DLG5: variants seen among roughly 807,000 people sequenced by gnomAD.
DLG5 encodes disks large homolog 5.
A neutral mutation model predicts 189.8 loss-of-function variants in DLG5; 48 were observed. The ratio of observed to expected loss-of-function variants is 0.25; its 90% CI spans 0.20 to 0.32. DLG5 has a LOEUF of 0.32. Ranked by LOEUF, DLG5 falls within the 10% of genes least tolerant of loss-of-function variation. The probability of loss-of-function intolerance (pLI) is 1.00; values close to 1 mark genes in which losing one functional copy is unlikely to be tolerated. For missense variants in DLG5, 2,160 were observed against 2,544.7 expected (o/e 0.85, Z 3.25); for synonymous variants, 1,016 against 1,054.1 (o/e 0.96, Z 0.70).
At chr10:77,930,923 C>T (rs1429885434), upstream of DLG5, among the ~76,000 whole-genome samples, 2 of 147,430 alleles carry the variant, frequency 1.4e-5, no homozygotes, top group African/African-American at 2.5e-5. Context: ...CAGATTCAAG[C>T]GATTCTCCTG....
intron 1 of DLG5, among the ~76,000 whole-genome samples, chr10:77,887,602 G>A (rs2154577558): frequency 6.6e-6 from 1 of 152,252 alleles, no homozygotes; most frequent in East Asian, 1.9e-4. Context: ...AGAAAGAAGT[G>A]ATCAAAAGGA....
At chr10:77,886,477 C>T (rs1420896655) in intron 1 of DLG5, among the ~76,000 whole-genome samples, 1 of 151,968 alleles carries the variant, frequency 6.6e-6, no homozygotes, top group African/African-American at 2.4e-5. Context: ...CCTCAACCTC[C>T]CGAGTAGCTG....
At chr10:77,910,987 G>GAAAA (rs55832630) in intron 1 of DLG5, among the ~76,000 whole-genome samples, 37 of 84,146 alleles carry the variant, frequency 4.4e-4, no homozygotes, top group Middle Eastern at 7.9e-3. Context: ...CTGTCTGAAG[G>GAAAA]AAAAAAAAAA....
rs1054784682 is a variant in DLG5 at position 77,796,820 on chromosome 10, A to C, written c.5165-226T>G. ...GTGAACACCAGAGGCAGCTGGTCTCAACCACTCATCCCAGAGCTTCCTTCT... is the reference window on the plus strand; with the variant it reads ...GTGAACACCAGAGGCAGCTGGTCTCCACCACTCATCCCAGAGCTTCCTTCT... On this transcript the variant is annotated intron_variant, in intron 27 of 31. Transcript: ENST00000372391. This position sits in a 1 kb window ranked among gnomAD's most constrained non-coding sequence, Gnocchi z 5.2. 5.9e-5 allele frequency among the ~76,000 whole-genome samples: 9 copies of C among 152,178 alleles called. No homozygotes were observed. Among genetic ancestry groups the C allele is most frequent in the Non-Finnish European group, 1.3e-4 (9 of 68,024 alleles).
intron 1 of DLG5, among the ~76,000 whole-genome samples, chr10:77,887,111 C>G (rs1483368696): frequency 6.6e-6 from 1 of 152,174 alleles, no homozygotes; most frequent in East Asian, 1.9e-4. Context: ...CAGACATCAC[C>G]CACATACACT....
chr10:77,912,206 T>TAAAAA, intron 1 of DLG5: 1 of 135,680 alleles, frequency 7.4e-6, no homozygotes, highest in African/African-American at 2.8e-5. Context: ...CCTGTCTCTT[T>TAAAAA]AAAAAAAAAA....
chr10:77,884,330 A>G (rs1044594461), intron 1 of DLG5, among the ~76,000 whole-genome samples: 1 of 152,188 alleles, frequency 6.6e-6, no homozygotes, highest in Non-Finnish European at 1.5e-5. Context: ...GGCTTGGATA[A>G]GACCAGAAAA....
chr10:77,861,710 C>T (rs1368469212), intron 2 of DLG5, among the ~76,000 whole-genome samples: 3 of 152,228 alleles, frequency 2.0e-5, no homozygotes, highest in African/African-American at 7.2e-5. Flanking sequence ...TTGAGAAACA[C>T]GTCAGAAAGA....
chr10:77,866,058 A>G (rs1844669198), intron 2 of DLG5, among the ~76,000 whole-genome samples: 1 of 152,202 alleles, frequency 6.6e-6, no homozygotes, highest in South Asian at 2.1e-4. Context: ...CAGGTTCCTA[A>G]GATCACCATG....
chr10:77,795,931 A>C, intron 29 of DLG5, 130 bp downstream of exon 29: 1 of 1,376,192 alleles, frequency 7.3e-7, no homozygotes, highest in Non-Finnish European at 1.0e-6. Flanking sequence ...GTGAACTCAG[A>C]CTAACACAAC....
chr10:77,918,054 C>T (rs1401457547), intron 1 of DLG5, among the ~76,000 whole-genome samples: 1 of 151,060 alleles, frequency 6.6e-6, no homozygotes, highest in African/African-American at 2.4e-5. Flanking sequence ...CTTAATGCTA[C>T]TGAATTTGTA....
At position 77,821,752 on chromosome 10, in the gene DLG5, C is replaced by T. The variant is rs138846068; in HGVS notation, c.2732G>A (p.Arg911His). ...AAAGGGCAGCAGTGGCCGCCGGCCA[C>T]GCACGTCCACCAGCCCAAAGCCACG... ...GDRGFGLVDV[R>H]GRRPLLPFET... The change falls in exon 15 of 32, where the codon CGT (arginine) becomes CAT (histidine). Residue 911 changes from arginine (R) to histidine (H), a missense_variant. By Grantham distance (29) the Arg-to-His change is conservative (BLOSUM62 0). Transcript: ENST00000372391. The T allele has an allele frequency of 3.6e-4, 578 of 1,609,130 alleles. 1 individual carries two copies. Among genetic ancestry groups the T allele is most frequent in the South Asian group, 1.3e-3 (117 of 90,752 alleles).
intron 1 of DLG5, among the ~76,000 whole-genome samples, chr10:77,909,721 C>T (rs1238903536): frequency 6.6e-6 from 1 of 152,032 alleles, no homozygotes; most frequent in Non-Finnish European, 1.5e-5. Flanking sequence ...ACCCACAGCC[C>T]CTAAACTCTA....
chr10:77,806,714 G>T, intron 26 of DLG5, 44 bp downstream of exon 26: 1 of 1,419,472 alleles, frequency 7.0e-7, no homozygotes. Context: ...GGTGGCCCTC[G>T]GCGACCCCTG....
intron 19 of DLG5, 25 bp from the exon 20 acceptor site, chr10:77,816,726 G>A (rs375212426): frequency 3.3e-5 from 52 of 1,580,230 alleles, no homozygotes; most frequent in African/African-American, 1.3e-4. Context: ...GGGTAATGCC[G>A]GTGTGAACTC....
chr10:77,855,215 A>T (rs1279094336), intron 3 of DLG5, among the ~76,000 whole-genome samples: 2 of 152,186 alleles, frequency 1.3e-5, no homozygotes, highest in African/African-American at 4.8e-5. Flanking sequence ...ACTGGCCATG[A>T]GCAGTGATCT....
chr10:77,862,321 C>T (rs923164618), intron 2 of DLG5, among the ~76,000 whole-genome samples: 19 of 152,032 alleles, frequency 1.2e-4, no homozygotes, highest in Admixed American at 9.2e-4. Context: ...TGATCTAACC[C>T]CTAAGGGCCA....
At position 77,805,966 on chromosome 10, in the gene DLG5, C is replaced by A. The variant is rs563053873; in HGVS notation, c.4968-105G>T. On this transcript the variant is annotated intron_variant, in intron 26 of 31. Coordinates refer to ENST00000372391, the MANE Select transcript of DLG5 (RefSeq NM_004747.4). The stretch of plus-strand genomic sequence containing the variant: ...GCAAAGGTGGGCCAGACACTGGGCT[C>A]CCCCCACACTCCTTGGCAGGTCTCA... 4 of 1,107,196 alleles carry A rather than the reference C, an allele frequency of 3.6e-6. No individual in the cohort carries two copies. In the Admixed American group the frequency reaches 6.7e-5, roughly 18 times the overall value. 68.6% of individuals were successfully genotyped at this position (1,107,196 alleles called of 1,614,324 possible). A position where few individuals can be genotyped will look rare whatever the true frequency, so the allele number is the denominator to read the frequency against.
intron 3 of DLG5, among the ~76,000 whole-genome samples, chr10:77,856,123 T>C (rs1358017407): frequency 6.6e-6 from 1 of 151,770 alleles, no homozygotes; most frequent in Non-Finnish European, 1.5e-5. Context: ...GGCAGGAGGA[T>C]CACTGGAGCC....
Sources: allele counts gnomAD v4.1 joint callset (sites outside exome capture counted in the v4.1 genomes callset), GRCh38; gene constraint gnomAD v4.1.1; non-coding constraint Gnocchi (gnomAD v3.1); transcripts MANE v1.5; gene names NCBI Gene and HGNC (gene_info 2026-07-23, HGNC 2026-07-21).